ARSB: variants seen among roughly 807,000 people sequenced by gnomAD.
ARSB encodes the protein N-acetylgalactosamine-4-sulfatase.
ARSB carries 41 observed loss-of-function variants against 50.9 expected under a neutral mutation model. The observed-to-expected ratio is 0.81, with a 90% CI of 0.63 to 1.04. ARSB has a LOEUF of 1.04. Ranked by LOEUF, ARSB falls within the 50% of genes least tolerant of loss-of-function variation. The probability of loss-of-function intolerance (pLI) is 0.00; values close to 1 mark genes in which losing one functional copy is unlikely to be tolerated. For synonymous variants in ARSB, 269 were observed against 284.8 expected, an observed-to-expected ratio of 0.94 and a Z score of 0.56; for missense variants, 672 against 693.3, an observed-to-expected ratio of 0.97 and a Z score of 0.35.
At chr5:78,796,931 G>T (rs1399918747) in intron 6 of ARSB, among the ~76,000 whole-genome samples, 1 of 146,956 alleles carries the variant, frequency 6.8e-6, no homozygotes, top group Non-Finnish European at 1.5e-5. Context: ...AGGCTGGAGT[G>T]CAGTGGCGGG....
intron 6 of ARSB, among the ~76,000 whole-genome samples, chr5:78,834,607 GTA>G (rs58773415): frequency 0.089 from 7,577 of 85,040 alleles, 279 homozygotes; most frequent in South Asian, 0.16. Flanking sequence ...ATATATATGT[GTA>G]TATATATATA....
At chr5:78,794,255 T>G (rs1253712767) in intron 6 of ARSB, among the ~76,000 whole-genome samples, 1 of 151,954 alleles carries the variant, frequency 6.6e-6, no homozygotes, top group East Asian at 1.9e-4. Flanking sequence ...GCGGCTCTGT[T>G]AAAAAACAAA....
chr5:78,858,541 G>C (rs1241997696), intron 5 of ARSB, among the ~76,000 whole-genome samples: 1 of 151,978 alleles, frequency 6.6e-6, no homozygotes, highest in South Asian at 2.1e-4. Flanking sequence ...TTGAAGGGTG[G>C]GGCAACAAAA....
chr5:78,954,775 G>C (rs992660870), intron 4 of ARSB, among the ~76,000 whole-genome samples: 2 of 152,204 alleles, frequency 1.3e-5, no homozygotes, highest in Non-Finnish European at 2.9e-5. Flanking sequence ...AAAGTGCTGG[G>C]ATTACAGGCG....
At position 78,850,017 on chromosome 5, in the gene ARSB, T is replaced by C. The variant is rs964942308; in HGVS notation, c.1143-10591A>G. Among the ~76,000 whole-genome samples, 12 of 151,630 alleles carry C rather than the reference T, an allele frequency of 7.9e-5. 1 individual carries two copies. Among genetic ancestry groups the C allele is most frequent in the African/African-American group, 1.9e-4 (8 of 41,312 alleles). ...TCATGTCATCTGCAAACAGGGACAA[T>C]TTGACTTCCTCTTTTCCTAATTGAA... On this transcript the variant is annotated intron_variant, in intron 5 of 7. Coordinates refer to ENST00000264914, the MANE Select transcript of ARSB (RefSeq NM_000046.5).
intron 4 of ARSB, among the ~76,000 whole-genome samples, chr5:78,916,599 G>T (rs532789161): frequency 1.3e-5 from 2 of 152,112 alleles, no homozygotes; most frequent in African/African-American, 4.8e-5. Flanking sequence ...ACATCAATTT[G>T]TTCTGCAGAT....
At chr5:78,869,020 C>A (rs1239240986) in intron 5 of ARSB, among the ~76,000 whole-genome samples, 1 of 150,652 alleles carries the variant, frequency 6.6e-6, no homozygotes, top group Admixed American at 6.6e-5. Context: ...ATCCTAGTCT[C>A]TGATAAAACA....
At chr5:78,875,445 C>A (rs1220764371) in intron 5 of ARSB, among the ~76,000 whole-genome samples, 2 of 151,844 alleles carry the variant, frequency 1.3e-5, no homozygotes, top group Non-Finnish European at 2.9e-5. Context: ...ATACAGAATT[C>A]TTGTTAAATC....
intron 4 of ARSB, among the ~76,000 whole-genome samples, chr5:78,904,326 G>A (rs1163547581): frequency 6.6e-6 from 1 of 151,832 alleles, no homozygotes; most frequent in Admixed American, 6.6e-5. Flanking sequence ...GTGTGAACAT[G>A]CTTTCATTCA....
chr5:78,852,852 C>T (rs1453863075), intron 5 of ARSB, among the ~76,000 whole-genome samples: 1 of 152,210 alleles, frequency 6.6e-6, no homozygotes, highest in Non-Finnish European at 1.5e-5. Flanking sequence ...ATTGCATCAG[C>T]TCCTGAGGCT....
chr5:78,849,374 G>C (rs550944807), intron 5 of ARSB, among the ~76,000 whole-genome samples: 3,122 of 152,210 alleles, frequency 0.021, 106 homozygotes, highest in African/African-American at 0.069. Flanking sequence ...TCAGATAGTT[G>C]TAGGTAAGCG....
intron 5 of ARSB, among the ~76,000 whole-genome samples, chr5:78,850,601 T>G (rs926895512): frequency 5.3e-5 from 8 of 152,210 alleles, no homozygotes; most frequent in African/African-American, 1.9e-4. Context: ...ATTCTCTCTT[T>G]TTCTATTGAT....
At chr5:78,905,236 G>C (rs377611185) in intron 4 of ARSB, among the ~76,000 whole-genome samples, 123 of 151,894 alleles carry the variant, frequency 8.1e-4, no homozygotes, top group African/African-American at 2.6e-3. Context: ...CTGCATTAAA[G>C]TTTTTGTCTG....
chr5:78,951,408 A>G (rs1445780708), intron 4 of ARSB, among the ~76,000 whole-genome samples: 3 of 152,114 alleles, frequency 2.0e-5, no homozygotes, highest in African/African-American at 7.2e-5. Context: ...CTAAAAATAC[A>G]ATCAACAATA....
At chr5:78,966,125 C>A (rs1470183142) in intron 2 of ARSB, among the ~76,000 whole-genome samples, 1 of 152,174 alleles carries the variant, frequency 6.6e-6, no homozygotes, top group East Asian at 1.9e-4. Context: ...GAGCTGCTTT[C>A]TATCAGTTAG....
chr5:78,926,361 C>T (rs1371554818), intron 4 of ARSB, among the ~76,000 whole-genome samples: 2 of 152,134 alleles, frequency 1.3e-5, no homozygotes, highest in African/African-American at 4.8e-5. Context: ...TAGGTATGAT[C>T]GTGGTTCCTG....
chr5:78,800,743 GT>G (rs1196885285), intron 6 of ARSB, among the ~76,000 whole-genome samples: 1 of 152,212 alleles, frequency 6.6e-6, no homozygotes, highest in Non-Finnish European at 1.5e-5. Context: ...TGCCAAAGGA[GT>G]GGTAAGACAC....
intron 1 of ARSB, 85 bp from the exon 2 acceptor site, chr5:78,969,277 T>C: frequency 7.1e-7 from 1 of 1,401,210 alleles, no homozygotes; most frequent in South Asian, 1.2e-5. Flanking sequence ...ACCTTACTGA[T>C]CATATCTGTT....
intron 5 of ARSB, among the ~76,000 whole-genome samples, chr5:78,856,146 T>A (rs1417407712): frequency 1.3e-5 from 2 of 152,202 alleles, no homozygotes; most frequent in Non-Finnish European, 2.9e-5. Flanking sequence ...TTTTTTCCAA[T>A]AGTCTTTTCA....
Sources: gnomAD v4.1 joint callset for allele counts (sites outside exome capture counted in the v4.1 genomes callset) on GRCh38, gnomAD v4.1.1 for gene constraint, MANE v1.5 for transcripts, NCBI Gene and HGNC (gene_info 2026-07-23, HGNC 2026-07-21) for gene names.